DACH2: variants seen among roughly 807,000 people sequenced by gnomAD.
The protein encoded by DACH2 is dachshund homolog 2.
DACH2 carries 17 observed loss-of-function variants against 35.8 expected under a neutral mutation model. The ratio of observed to expected loss-of-function variants is 0.48; its 90% CI spans 0.33 to 0.71. The LOEUF is 0.71. DACH2 is among the 30% of genes least tolerant of loss of function. DACH2 has a pLI of 0.02. For missense variants in DACH2, 469 were observed against 472.7 expected, an observed-to-expected ratio of 0.99 and a Z score of 0.07; for synonymous variants, 195 against 177.3, an observed-to-expected ratio of 1.10 and a Z score of -0.79.
chrX:86,776,285 C>A (rs1048076958), intron 7 of DACH2, among the ~76,000 whole-genome samples: 2 of 111,334 alleles, frequency 1.8e-5, no homozygotes, highest in Non-Finnish European at 3.8e-5. Context: ...GAGCCTGTTT[C>A]CAGGTTTGCT....
At position 86,188,036 on chromosome X, in the gene DACH2, T is replaced by C. The variant is rs921884532; in HGVS notation, c.488+38928T>C. 2.7e-5 allele frequency among the ~76,000 whole-genome samples: 3 copies of C among 111,817 alleles called. No individual in the cohort carries two copies. The East Asian group carries it at 8.4e-4, about 31-fold the overall frequency. ...AATGGTACACCAGTAATGAAGGAGGTTATTTTATTGATCGGATAGCCTCTT... is the reference window on the plus strand; with the variant it reads ...AATGGTACACCAGTAATGAAGGAGGCTATTTTATTGATCGGATAGCCTCTT... On this transcript the variant is annotated intron_variant, in intron 1 of 11. Coordinates refer to ENST00000373125, the MANE Select transcript of DACH2 (RefSeq NM_053281.3).
intron 1 of DACH2, among the ~76,000 whole-genome samples, chrX:86,165,482 C>G (rs1602246987): frequency 9.0e-6 from 1 of 111,046 alleles, no homozygotes; most frequent in Non-Finnish European, 1.9e-5. Flanking sequence ...TACATCCTCA[C>G]CAGTATTTAT....
chrX:86,248,493 T>A (rs2033332432), intron 1 of DACH2, among the ~76,000 whole-genome samples: 1 of 111,121 alleles, frequency 9.0e-6, no homozygotes, highest in African/African-American at 3.3e-5. Context: ...ATGAGGAAGG[T>A]TAAATATCTC....
intron 1 of DACH2, among the ~76,000 whole-genome samples, chrX:86,254,805 T>TAGAGAGAGAG (rs1265976523): frequency 3.5e-4 from 21 of 60,767 alleles, no homozygotes; most frequent in Middle Eastern, 7.9e-3. Context: ...TATATATATA[T>TAGAGAGAGAG]ATAGAGAGAG....
chrX:86,318,286 C>T (rs993337209), intron 1 of DACH2, among the ~76,000 whole-genome samples: 3 of 111,540 alleles, frequency 2.7e-5, no homozygotes, highest in Non-Finnish European at 5.6e-5. Flanking sequence ...TCAGTCCATT[C>T]CATTAACTCT....
At chrX:86,765,832 A>C (rs2041930089) in intron 7 of DACH2, among the ~76,000 whole-genome samples, 1 of 105,088 alleles carries the variant, frequency 9.5e-6, no homozygotes, top group African/African-American at 3.5e-5. Context: ...TGAATCCGTA[A>C]ATTGCTTTGA....
chrX:86,395,576 C>A (rs2036272809), intron 2 of DACH2, among the ~76,000 whole-genome samples: 1 of 110,104 alleles, frequency 9.1e-6, no homozygotes, highest in Non-Finnish European at 1.9e-5. Context: ...TGTGATGTTC[C>A]CCTTCCTGTG....
chrX:86,490,785 A>G (rs746705177), intron 2 of DACH2, among the ~76,000 whole-genome samples: 5 of 111,400 alleles, frequency 4.5e-5, no homozygotes, highest in Non-Finnish European at 9.5e-5. Flanking sequence ...TATCAGGTTA[A>G]CCTTCTCTGT....
chrX:86,227,925 T>C (rs1373899803), intron 1 of DACH2, among the ~76,000 whole-genome samples: 1 of 110,740 alleles, frequency 9.0e-6, no homozygotes, highest in Non-Finnish European at 1.9e-5. Flanking sequence ...AGTAATGCAA[T>C]GCTGATTTCT....
chrX:86,644,018 T>C (rs757280851), intron 3 of DACH2, among the ~76,000 whole-genome samples: 14 of 111,342 alleles, frequency 1.3e-4, no homozygotes, highest in Non-Finnish European at 2.5e-4. Context: ...ATACTGAACG[T>C]GCAAAAGCTG....
chrX:86,712,674 T>G (rs1472243437), intron 5 of DACH2, among the ~76,000 whole-genome samples: 1 of 110,947 alleles, frequency 9.0e-6, no homozygotes, highest in Non-Finnish European at 1.9e-5. Context: ...AAAAGGCCAT[T>G]TTGAATTCAA....
chrX:86,156,443 C>G (rs763628833), intron 1 of DACH2, among the ~76,000 whole-genome samples: 14 of 111,205 alleles, frequency 1.3e-4, no homozygotes, highest in Non-Finnish European at 2.5e-4. Context: ...TTAAAGTATG[C>G]AGTTATTGAA....
intron 1 of DACH2, among the ~76,000 whole-genome samples, chrX:86,290,224 T>G (rs1379068016): frequency 4.2e-5 from 3 of 70,600 alleles, no homozygotes; most frequent in Non-Finnish European, 7.8e-5. Context: ...TGTCTTCTTT[T>G]GAGAAGTGTC....
chrX:86,362,916 A>G (rs1426501039), intron 1 of DACH2, among the ~76,000 whole-genome samples: 5 of 110,783 alleles, frequency 4.5e-5, no homozygotes, highest in Non-Finnish European at 9.5e-5. Context: ...CTTTGAGAGG[A>G]GCAGTTCATT....
chrX:86,425,776 T>G (rs1265937499), intron 2 of DACH2, among the ~76,000 whole-genome samples: 1 of 110,955 alleles, frequency 9.0e-6, no homozygotes, highest in African/African-American at 3.3e-5. Flanking sequence ...CACAGATTAT[T>G]AAGTGAAATG....
chrX:86,720,283 A>G (rs1197221204), intron 6 of DACH2, among the ~76,000 whole-genome samples: 1 of 110,377 alleles, frequency 9.1e-6, no homozygotes, highest in Non-Finnish European at 1.9e-5. Flanking sequence ...CCAAAAGTCC[A>G]AGTCCGAAGT....
chrX:86,286,764 T>C (rs977307941), intron 1 of DACH2, among the ~76,000 whole-genome samples: 6 of 112,201 alleles, frequency 5.3e-5, no homozygotes, highest in African/African-American at 1.9e-4. Flanking sequence ...AATAACTTTA[T>C]GCCTTAGCTT....
chrX:86,740,722 A>C (rs921040271), intron 7 of DACH2, among the ~76,000 whole-genome samples: 8 of 109,866 alleles, frequency 7.3e-5, no homozygotes, highest in African/African-American at 2.7e-4. Context: ...TATGCCACTT[A>C]ACCACCATGA....
intron 3 of DACH2, among the ~76,000 whole-genome samples, chrX:86,519,577 G>C (rs1343033314): frequency 8.9e-6 from 1 of 111,828 alleles, no homozygotes; most frequent in Non-Finnish European, 1.9e-5. Context: ...TTCAGAGTGT[G>C]TTATTGGTCT....
Sources: gnomAD v4.1 joint callset for allele counts (sites outside exome capture counted in the v4.1 genomes callset) on GRCh38, gnomAD v4.1.1 for gene constraint, MANE v1.5 for transcripts, NCBI Gene and HGNC (gene_info 2026-07-23, HGNC 2026-07-21) for gene names.